The following B3GALNT1 variants were observed in gnomAD, a reference collection of about 807,000 sequenced individuals.
B3GALNT1 encodes UDP-GalNAc:beta-1,3-N-acetylgalactosaminyltransferase 1.
B3GALNT1 carries 17 observed loss-of-function variants against 27.3 expected under a neutral mutation model. That is an observed-to-expected ratio of 0.62 (90% CI 0.43 to 0.94). The LOEUF (loss-of-function observed/expected upper bound fraction) is 0.94. Among genes scored for constraint, B3GALNT1 ranks in the 40% least tolerant of loss-of-function variants. B3GALNT1 has a pLI of 0.00. For synonymous variants in B3GALNT1, 141 were observed against 144.0 expected (o/e 0.98, Z 0.15); for missense variants, 347 against 390.0 (o/e 0.89, Z 0.93).
intron 4 of B3GALNT1, among the ~76,000 whole-genome samples, chr3:161,088,512 C>T (rs1430344203): frequency 6.6e-6 from 1 of 152,186 alleles, no homozygotes; most frequent in Non-Finnish European, 1.5e-5. Context: ...TGTCCACCCA[C>T]CTCCTATCCT....
At chr3:161,096,195 T>G (rs13314089) in intron 4 of B3GALNT1, among the ~76,000 whole-genome samples, 12,931 of 152,256 alleles carry the variant, frequency 0.085, 745 homozygotes, top group East Asian at 0.22. Context: ...TAAATATTCC[T>G]AAGAATAAGC....
At chr3:161,092,923 A>G (rs372303766) in intron 4 of B3GALNT1, among the ~76,000 whole-genome samples, 1 of 151,824 alleles carries the variant, frequency 6.6e-6, no homozygotes, top group African/African-American at 2.4e-5. Flanking sequence ...ACGCCCGGCT[A>G]ATTTTTTGTA....
intron 4 of B3GALNT1, among the ~76,000 whole-genome samples, chr3:161,099,490 T>G (rs1218506135): frequency 6.6e-6 from 1 of 152,192 alleles, no homozygotes; most frequent in Non-Finnish European, 1.5e-5. Context: ...TAGCTGAGTA[T>G]GAGTCCAATA....
chr3:161,094,378 A>C, intron 4 of B3GALNT1, among the ~76,000 whole-genome samples: 1 of 152,322 alleles, frequency 6.6e-6, no homozygotes, highest in Middle Eastern at 3.4e-3. Context: ...ACACCTTTTT[A>C]TTTAACACCA....
intron 4 of B3GALNT1, 88 bp downstream of exon 4, chr3:161,101,050 GC>G (rs1347071539): frequency 1.0e-6 from 1 of 997,530 alleles, no homozygotes; most frequent in Non-Finnish European, 1.4e-6. Context: ...AGGGCACAGT[GC>G]CCCAGGAGAG....
intron 4 of B3GALNT1, among the ~76,000 whole-genome samples, chr3:161,100,438 T>G (rs1266178559): frequency 6.6e-6 from 1 of 152,194 alleles, no homozygotes; most frequent in African/African-American, 2.4e-5. Flanking sequence ...AGGTATCTTC[T>G]AAGATGTATG....
intron 4 of B3GALNT1, among the ~76,000 whole-genome samples, chr3:161,091,612 T>C (rs891913393): frequency 3.3e-5 from 5 of 152,222 alleles, no homozygotes; most frequent in Non-Finnish European, 7.3e-5. Flanking sequence ...AGTACTTGTG[T>C]GCAAGTCACC....
intron 4 of B3GALNT1, among the ~76,000 whole-genome samples, chr3:161,089,556 T>C (rs1477219028): frequency 6.6e-6 from 1 of 152,202 alleles, no homozygotes; most frequent in African/African-American, 2.4e-5. Flanking sequence ...AACCTTTACA[T>C]TGATCACTGA....
At chr3:161,104,571 A>G (rs1733256659) in intron 1 of B3GALNT1, 165 bp from the exon 2 acceptor site, 1 of 355,810 alleles carries the variant, frequency 2.8e-6, no homozygotes, top group South Asian at 2.2e-5. Flanking sequence ...CACCTCTAGG[A>G]ATCTTTTTAA....
chr3:161,104,559 T>C, intron 1 of B3GALNT1, 153 bp from the exon 2 acceptor site: 1 of 364,154 alleles, frequency 2.7e-6, no homozygotes, highest in South Asian at 2.2e-5. Flanking sequence ...GAGACTCCGT[T>C]GCACCTCTAG....
rs1004929501 is a variant in B3GALNT1, at chr3:161,085,910, T to C, written c.845A>G (p.His282Arg). Residue 282 changes from histidine (H) to arginine (R), a missense_variant, in exon 5 of 5, where the codon CAT (histidine) becomes CGT (arginine). Transcript: ENST00000320474. ...GAAAAGATTTGTGTCTTCTGGAATA[T>C]GAATGTTCACTTTTAATAAATTCAA... is the stretch of plus-strand genomic sequence containing the variant. ...ICLNLLKVNI[H>R]IPEDTNLFFL... 8.1e-6 allele frequency: 13 copies of C among 1,612,290 alleles called. No individual in the cohort carries two copies. The highest frequency in any genetic ancestry group is 1.3e-5 in the African/African-American group (1 of 74,790).
At chr3:161,091,976 T>C (rs1030325337) in intron 4 of B3GALNT1, among the ~76,000 whole-genome samples, 11 of 152,238 alleles carry the variant, frequency 7.2e-5, no homozygotes, top group Admixed American at 2.6e-4. Context: ...CGAAGATTAC[T>C]TTTTAGTTGC....
intron 1 of B3GALNT1, chr3:161,104,760 A>C (rs1480185652): frequency 1.1e-5 from 2 of 180,992 alleles, no homozygotes; most frequent in Admixed American, 1.2e-4. Context: ...CGTTCGCCGC[A>C]GGCCTGTTAG....
chr3:161,101,221 G>A lies in B3GALNT1; in HGVS notation c.-117C>T. On this transcript the variant is annotated 5_prime_UTR_variant, in exon 4 of 5. Coordinates refer to ENST00000320474, the MANE Select transcript of B3GALNT1 (RefSeq NM_003781.4). Reference sequence around the variant, plus strand: ...GAGCCAACAGGTCAACCGGGTCCAGGGAGCTAAGAAAACTGGAGCAGAGCA... The same window carrying A: ...GAGCCAACAGGTCAACCGGGTCCAGAGAGCTAAGAAAACTGGAGCAGAGCA... 3.1e-6 allele frequency: 4 copies of A among 1,289,894 alleles called. No homozygotes were observed. Among genetic ancestry groups the A allele is most frequent in the Non-Finnish European group, 4.0e-6 (4 of 988,870 alleles). 79.9% of individuals were successfully genotyped at this position (1,289,894 alleles called of 1,614,324 possible). A position where few individuals can be genotyped will look rare whatever the true frequency, so the allele number is the denominator to read the frequency against.
At chr3:161,089,923 GC>G in intron 4 of B3GALNT1, 1 of 174,258 alleles carries the variant, frequency 5.7e-6, no homozygotes, top group Non-Finnish European at 1.3e-5. Context: ...ACAAAAATTA[GC>G]CAGGCATGGT....
intron 4 of B3GALNT1, among the ~76,000 whole-genome samples, chr3:161,096,968 T>C (rs1252662848): frequency 6.6e-6 from 1 of 152,232 alleles, no homozygotes; most frequent in Non-Finnish European, 1.5e-5. Context: ...CAGGTGGCAG[T>C]ATTTTTAAAG....
At chr3:161,088,945 T>C (rs1723493778) in intron 4 of B3GALNT1, among the ~76,000 whole-genome samples, 2 of 152,238 alleles carry the variant, frequency 1.3e-5, no homozygotes, top group South Asian at 4.1e-4. Context: ...TTATGATGTC[T>C]ATCATTTATG....
chr3:161,095,373 C>T (rs560574836), intron 4 of B3GALNT1, among the ~76,000 whole-genome samples: 10 of 152,286 alleles, frequency 6.6e-5, no homozygotes, highest in African/African-American at 2.2e-4. Flanking sequence ...TATGAATGTG[C>T]TTTGGTTAAG....
In B3GALNT1 at chr3:161,101,210, A is replaced by G. The variant is rs1213122067; in HGVS notation, c.-106T>C. 17 of 1,289,948 alleles carry G rather than the reference A, an allele frequency of 1.3e-5. No homozygotes were observed. The highest frequency in any genetic ancestry group is 1.6e-5 in the Non-Finnish European group (16 of 988,888). 79.9% of individuals were successfully genotyped at this position (1,289,948 alleles called of 1,614,324 possible). ...GCCAGCGGGAAGAGCCAACAGGTCA[A>G]CCGGGTCCAGGGAGCTAAGAAAACT... is the stretch of plus-strand genomic sequence containing the variant. On this transcript the variant is annotated 5_prime_UTR_variant, in exon 4 of 5. Transcript: ENST00000320474.
Sources: allele counts gnomAD v4.1 joint callset (sites outside exome capture counted in the v4.1 genomes callset), GRCh38; gene constraint gnomAD v4.1.1; transcripts MANE v1.5; gene names NCBI Gene and HGNC (gene_info 2026-07-23, HGNC 2026-07-21).